The following PRICKLE1 variants were observed in gnomAD, a reference collection of about 807,000 sequenced individuals.
PRICKLE1 encodes prickle planar cell polarity protein 1, also known as prickle-like protein 1.
A neutral mutation model predicts 70.2 loss-of-function variants in PRICKLE1; 14 were observed. The ratio of observed to expected loss-of-function variants is 0.20; its 90% CI spans 0.13 to 0.31. The LOEUF is 0.31. PRICKLE1 is among the 10% of genes least tolerant of loss of function. PRICKLE1 has a pLI of 1.00. For missense variants in PRICKLE1, 821 were observed against 1,026.2 expected (o/e 0.80, Z 2.73); for synonymous variants, 357 against 379.9 (o/e 0.94, Z 0.70).
chr12:42,551,940 TAC>T (rs1428151593), intron 1 of PRICKLE1, among the ~76,000 whole-genome samples: 1 of 152,176 alleles, frequency 6.6e-6, no homozygotes, highest in African/African-American at 2.4e-5. Context: ...TTAAAACTAC[TAC>T]AGTCCTTAAC....
intron 1 of PRICKLE1, among the ~76,000 whole-genome samples, chr12:42,490,677 G>C (rs1277958262): frequency 2.6e-5 from 4 of 152,082 alleles, no homozygotes; most frequent in African/African-American, 9.7e-5. Context: ...GTACAGTCTG[G>C]GTAGGGGCAG....
intron 1 of PRICKLE1, among the ~76,000 whole-genome samples, chr12:42,580,951 T>G (rs1940888364): frequency 4.1e-5 from 6 of 144,614 alleles, no homozygotes; most frequent in East Asian, 4.1e-4. Flanking sequence ...AGAGAGAGAG[T>G]AAGGAAGGGA....
intron 1 of PRICKLE1, among the ~76,000 whole-genome samples, chr12:42,532,855 T>C (rs1669945): frequency 0.31 from 45,667 of 148,778 alleles, 8,162 homozygotes; most frequent in African/African-American, 0.51. Flanking sequence ...CGAGATCGTG[T>C]CACTGCACTC....
chr12:42,547,659 A>T (rs1940238019), intron 1 of PRICKLE1, among the ~76,000 whole-genome samples: 1 of 152,216 alleles, frequency 6.6e-6, no homozygotes, highest in South Asian at 2.1e-4. Context: ...ATGATCTATT[A>T]TCATTAGGTC....
chr12:42,539,196 G>A (rs970935351), intron 1 of PRICKLE1, among the ~76,000 whole-genome samples: 7 of 152,108 alleles, frequency 4.6e-5, no homozygotes, highest in Admixed American at 1.3e-4. Context: ...GGCTGGGCAC[G>A]GTGGCTCACG....
rs1342015429 is a variant in PRICKLE1, at chr12:42,579,555, T to C, written c.-49+9910A>G. On this transcript the variant is annotated intron_variant, in intron 1 of 7. Transcript: ENST00000345127. Reference sequence around the variant, plus strand: ...AATTAAAGAGAGTTTTCCAGTTATATGTGCAAACAACCCAGGTAGATAATT... The same window carrying C: ...AATTAAAGAGAGTTTTCCAGTTATACGTGCAAACAACCCAGGTAGATAATT... Among the ~76,000 whole-genome samples the C allele has an allele frequency of 2.6e-5, 4 of 152,214 alleles. 1 individual carries two copies. The highest frequency in any genetic ancestry group is 9.6e-5 in the African/African-American group (4 of 41,456).
At chr12:42,563,745 A>G (rs1478676965) in intron 1 of PRICKLE1, among the ~76,000 whole-genome samples, 1 of 149,246 alleles carries the variant, frequency 6.7e-6, no homozygotes, top group Non-Finnish European at 1.5e-5. Flanking sequence ...TTTTGGTGGC[A>G]TGTATCTGCA....
At position 42,460,255 on chromosome 12, in the gene PRICKLE1, C is replaced by T; in HGVS notation, c.2050G>A (p.Asp684Asn). 3.1e-6 allele frequency: 5 copies of T among 1,613,994 alleles called. No homozygotes were observed. Among genetic ancestry groups the T allele is most frequent in the East Asian group, 2.2e-5 (1 of 44,900 alleles). Residue 684 changes from aspartate to asparagine, a missense_variant, in exon 8 of 8, where the codon GAC (aspartate) becomes AAC (asparagine). Asp to Asn is a conservative substitution (Grantham distance 23, BLOSUM62 1). Transcript: ENST00000345127. ...TCTGTAACAAGATTCAGGGCATTGT[C>T]GGAGCGGGACTTTCTACTTCTCCGG... is the stretch of plus-strand genomic sequence containing the variant. Reference protein sequence around the residue: ...RRRRSRKSRSDNALNLVTERK... With the variant: ...RRRRSRKSRSNNALNLVTERK...
chr12:42,462,653 G>A (rs1937897790), intron 7 of PRICKLE1, among the ~76,000 whole-genome samples: 1 of 152,168 alleles, frequency 6.6e-6, no homozygotes, highest in South Asian at 2.1e-4. Context: ...CGGGGGGGTA[G>A]CTTTGCCGTA....
At position 42,460,216 on chromosome 12, in the gene PRICKLE1, G is replaced by A. The variant is rs781672373; in HGVS notation, c.2089C>T (p.Pro697Ser). The A allele has an allele frequency of 1.4e-5, 22 of 1,613,974 alleles. No individual in the cohort carries two copies. The South Asian group carries it at 2.2e-4, about 16-fold the overall frequency. The change falls in exon 8 of 8, where the codon CCC (proline) becomes TCC (serine). Residue 697 changes from proline to serine, a missense_variant. Coordinates refer to ENST00000345127, the MANE Select transcript of PRICKLE1 (RefSeq NM_153026.3). ...LNLVTERKYS[P>S]KDRLRLYTPD... is the part of the protein sequence containing the mutation. ...GTGTACAGCCGCAGTCTGTCCTTGG[G>A]AGAGTATTTTCTTTCTGTAACAAGA... is the stretch of plus-strand genomic sequence containing the variant.
intron 1 of PRICKLE1, among the ~76,000 whole-genome samples, chr12:42,557,555 C>T (rs1387343114): frequency 6.6e-6 from 1 of 152,168 alleles, no homozygotes; most frequent in Non-Finnish European, 1.5e-5. Flanking sequence ...AACAGAACTC[C>T]TCTCTTCCTT....
At chr12:42,462,613 C>T (rs961790080) in intron 7 of PRICKLE1, among the ~76,000 whole-genome samples, 10 of 152,146 alleles carry the variant, frequency 6.6e-5, no homozygotes, top group African/African-American at 2.4e-4. Flanking sequence ...CCTTTATTGC[C>T]GGCCTTATCT....
Position 42,504,767 on chromosome 12 carries a change from TG to T in PRICKLE1, c.-48-32204del, listed in dbSNP as rs1939376490. ...AGCATTCTTTCTCCATTCCTGTCTCTGCTAATTTCTGGTTTAACACTTTATT... is the reference window on the plus strand; with the variant it reads ...AGCATTCTTTCTCCATTCCTGTCTCTCTAATTTCTGGTTTAACACTTTATT... On this transcript the variant is annotated intron_variant, in intron 1 of 7. Transcript: ENST00000345127. 2.0e-5 allele frequency among the ~76,000 whole-genome samples: 3 copies of T among 152,210 alleles called. No homozygotes were observed. In the South Asian group the frequency reaches 6.2e-4, roughly 31 times the overall value.
intron 1 of PRICKLE1, among the ~76,000 whole-genome samples, chr12:42,545,130 A>T (rs546594783): frequency 1.3e-5 from 2 of 152,140 alleles, no homozygotes; most frequent in East Asian, 3.9e-4. Flanking sequence ...CAGCCTCCTG[A>T]GTAGCTGGGA....
In PRICKLE1 at chr12:42,542,389, G is replaced by T. The variant is rs1393243542; in HGVS notation, c.-49+47076C>A. Among the ~76,000 whole-genome samples the T allele has an allele frequency of 3.9e-5, 6 of 152,096 alleles. No individual in the cohort carries two copies. In the East Asian group the frequency reaches 1.2e-3, roughly 29 times the overall value. ...TTTGCGGCCAGGCACGGTGACTCAT[G>T]CCTGTAATCCCAGCATTTTGGGAGG... On this transcript the variant is annotated intron_variant, in intron 1 of 7. Coordinates refer to ENST00000345127, the MANE Select transcript of PRICKLE1 (RefSeq NM_153026.3).
chr12:42,465,328 C>A, intron 6 of PRICKLE1, 70 bp from the exon 7 acceptor site: 1 of 1,488,980 alleles, frequency 6.7e-7, no homozygotes, highest in Non-Finnish European at 9.3e-7. Context: ...AAGGAAGAAA[C>A]GAAGAAAATA....
At chr12:42,539,329 G>C (rs548363481) in intron 1 of PRICKLE1, among the ~76,000 whole-genome samples, 1 of 152,056 alleles carries the variant, frequency 6.6e-6, no homozygotes, top group East Asian at 1.9e-4. Context: ...TTAGCCGGGC[G>C]TGGGGGTGGG....
Position 42,460,326 on chromosome 12 carries a change from A to G in PRICKLE1, c.1979T>C (p.Val660Ala). 6.2e-7 allele frequency: 1 copy of G among 1,614,032 alleles called. No individual in the cohort carries two copies. The highest frequency in any genetic ancestry group is 8.5e-7 in the Non-Finnish European group (1 of 1,180,004). Reference sequence around the variant, plus strand: ...GGATCCCCTCTCTTCAAAATTGTAGACGCGTCTCCGAGTCCTTTCACTCAT... The same window carrying G: ...GGATCCCCTCTCTTCAAAATTGTAGGCGCGTCTCCGAGTCCTTTCACTCAT... ...PPMSERTRRR[V>A]YNFEERGSRS... The change falls in exon 8 of 8, where the codon GTC becomes GCC. Residue 660 changes from valine to alanine, a missense_variant. Physicochemically the swap from Val to Ala is moderately conservative, Grantham distance 64. Coordinates refer to ENST00000345127, the MANE Select transcript of PRICKLE1 (RefSeq NM_153026.3).
intron 1 of PRICKLE1, among the ~76,000 whole-genome samples, chr12:42,529,966 T>TG (rs564593045): frequency 6.7e-6 from 1 of 149,360 alleles, no homozygotes; most frequent in Admixed American, 6.7e-5. Flanking sequence ...TTTTTTTTTT[T>TG]GGTGGCGTCT....
Sources: allele counts gnomAD v4.1 joint callset (sites outside exome capture counted in the v4.1 genomes callset), GRCh38; gene constraint gnomAD v4.1.1; transcripts MANE v1.5; gene names NCBI Gene and HGNC (gene_info 2026-07-23, HGNC 2026-07-21).